PSD3: variants seen among roughly 807,000 people sequenced by gnomAD.
PSD3 encodes PH and SEC7 domain-containing protein 3.
Under a neutral mutation model 105.5 loss-of-function variants are expected in PSD3, and 49 were observed. The observed-to-expected ratio is 0.46, with a 90% CI of 0.37 to 0.59. The LOEUF (loss-of-function observed/expected upper bound fraction) is 0.59. Among genes scored for constraint, PSD3 ranks in the 20% least tolerant of loss-of-function variants. The pLI is 0.00. For missense variants in PSD3, 1,561 were observed against 1,263.8 expected, an observed-to-expected ratio of 1.24 and a Z score of -3.57; for synonymous variants, 557 against 457.8, an observed-to-expected ratio of 1.22 and a Z score of -2.77.
intron 1 of PSD3, chr8:19,084,073 G>C (rs59435769): frequency 0.34 from 118,350 of 345,852 alleles, 21,949 homozygotes; most frequent in East Asian, 0.7. Context: ...GCGGCTCGTG[G>C]GTACCTCTGC....
chr8:18,915,717 G>C (rs551370621), intron 2 of PSD3, among the ~76,000 whole-genome samples: 2 of 152,270 alleles, frequency 1.3e-5, no homozygotes, highest in East Asian at 1.9e-4. Context: ...ATATCAAAAA[G>C]ATAAAGTACC....
chr8:18,915,429 G>A (rs970143013), intron 2 of PSD3, among the ~76,000 whole-genome samples: 6 of 152,104 alleles, frequency 3.9e-5, no homozygotes, highest in East Asian at 3.9e-4. Flanking sequence ...GAGTAAATAC[G>A]TGGCAAATCA....
intron 4 of PSD3, among the ~76,000 whole-genome samples, chr8:18,822,380 C>T (rs1340814574): frequency 6.6e-6 from 1 of 152,178 alleles, no homozygotes; most frequent in Non-Finnish European, 1.5e-5. Flanking sequence ...TGTGTTGTTC[C>T]TTTAGTAGTA....
intron 9 of PSD3, among the ~76,000 whole-genome samples, chr8:18,693,785 T>C (rs1462854355): frequency 6.6e-6 from 1 of 152,208 alleles, no homozygotes; most frequent in Non-Finnish European, 1.5e-5. Context: ...CAAAATAGCC[T>C]CCTCCTCCAT....
At chr8:18,588,949 G>C (rs1325543974) in intron 12 of PSD3, among the ~76,000 whole-genome samples, 1 of 152,162 alleles carries the variant, frequency 6.6e-6, no homozygotes, top group East Asian at 1.9e-4. Context: ...CCGGTGGCTA[G>C]GTATTCAGAG....
At chr8:18,778,715 A>T (rs952172198) in intron 8 of PSD3, among the ~76,000 whole-genome samples, 1 of 151,866 alleles carries the variant, frequency 6.6e-6, no homozygotes, top group Non-Finnish European at 1.5e-5. Flanking sequence ...ATATATAATT[A>T]TATTAAAAAT....
chr8:18,590,144 T>G (rs1220201926), intron 12 of PSD3, among the ~76,000 whole-genome samples: 2 of 152,196 alleles, frequency 1.3e-5, no homozygotes, highest in African/African-American at 4.8e-5. Flanking sequence ...AGGCTAGTTT[T>G]AAAAAAGAAT....
intron 4 of PSD3, among the ~76,000 whole-genome samples, chr8:18,825,537 G>A (rs1167640273): frequency 1.3e-5 from 2 of 152,136 alleles, no homozygotes; most frequent in African/African-American, 2.4e-5. Context: ...AGTGTTGAGG[G>A]GAAGAGAATC....
chr8:19,055,581 G>A (rs1828684750), intron 1 of PSD3, among the ~76,000 whole-genome samples: 2 of 152,148 alleles, frequency 1.3e-5, no homozygotes, highest in Admixed American at 6.5e-5. Context: ...TCACTGGTCT[G>A]CATCATTAAT....
intron 8 of PSD3, among the ~76,000 whole-genome samples, chr8:18,767,036 T>C (rs1227105763): frequency 6.6e-6 from 1 of 152,078 alleles, no homozygotes; most frequent in East Asian, 1.9e-4. Context: ...ATAGAAATAA[T>C]CTTGAAAAGA....
chr8:18,992,571 C>T (rs1352135877), intron 1 of PSD3, among the ~76,000 whole-genome samples: 2 of 152,114 alleles, frequency 1.3e-5, no homozygotes, highest in Non-Finnish European at 2.9e-5. Flanking sequence ...TTAGGAAAAT[C>T]ACTGAACTCC....
intron 9 of PSD3, among the ~76,000 whole-genome samples, chr8:18,721,880 G>A (rs967690123): frequency 6.6e-6 from 1 of 152,046 alleles, no homozygotes; most frequent in South Asian, 2.1e-4. Flanking sequence ...AAAGGCCTAC[G>A]AGACACCCAA....
intron 1 of PSD3, among the ~76,000 whole-genome samples, chr8:19,021,284 C>T (rs1451314552): frequency 6.6e-6 from 1 of 152,150 alleles, no homozygotes; most frequent in East Asian, 1.9e-4. Flanking sequence ...CTGCTCTCTC[C>T]CTACCTCCTG....
At position 18,925,256 on chromosome 8, in the gene PSD3, A is replaced by T. The variant is rs540133936; in HGVS notation, c.130+10778T>A. ...TTAAAAATACAAAAGTCAGCCGGGC[A>T]TGGTGGCGTACACCTGTGGTTTCAG... On this transcript the variant is annotated intron_variant, in intron 2 of 15. Coordinates refer to ENST00000327040, the MANE Select transcript of PSD3 (RefSeq NM_015310.4). Among the ~76,000 whole-genome samples the T allele has an allele frequency of 9.3e-4, 142 of 152,208 alleles. 2 individuals are homozygous for T. Among genetic ancestry groups the T allele is most frequent in the African/African-American group, 3.3e-3 (137 of 41,534 alleles).
At chr8:18,919,436 C>T (rs780379169) in intron 2 of PSD3, among the ~76,000 whole-genome samples, 13 of 152,192 alleles carry the variant, frequency 8.5e-5, no homozygotes, top group African/African-American at 2.2e-4. Flanking sequence ...CTACCTGAAT[C>T]GGGATCATCC....
At chr8:18,647,647 T>C (rs1449111846) in intron 10 of PSD3, among the ~76,000 whole-genome samples, 4 of 138,668 alleles carry the variant, frequency 2.9e-5, no homozygotes, top group Admixed American at 1.5e-4. Context: ...AATGAGCCAA[T>C]ACATGATTTT....
At chr8:18,835,779 C>T (rs1221284599) in intron 4 of PSD3, among the ~76,000 whole-genome samples, 5 of 152,150 alleles carry the variant, frequency 3.3e-5, no homozygotes, top group East Asian at 1.9e-4. Context: ...GAAGCATGCC[C>T]GGCGTGCTCA....
chr8:18,760,981 T>A (rs759704139), intron 9 of PSD3, among the ~76,000 whole-genome samples: 1 of 152,320 alleles, frequency 6.6e-6, no homozygotes, highest in Middle Eastern at 3.4e-3. Flanking sequence ...CAGGATAATC[T>A]TGGGATCTTA....
In PSD3 at chr8:18,537,943, C is replaced by T. The variant is rs903756756; in HGVS notation, c.2929-1985G>A. On this transcript the variant is annotated intron_variant, in intron 15 of 15. Coordinates refer to ENST00000327040, the MANE Select transcript of PSD3 (RefSeq NM_015310.4). ...CCACCCGCCTCGGCCTCCCAAAGTG[C>T]TGGGATTACAGGCGTGAGCCACTGC... is the stretch of plus-strand genomic sequence containing the variant. Among the ~76,000 whole-genome samples the T allele has an allele frequency of 3.3e-5, 5 of 152,214 alleles. 1 individual carries two copies. In the South Asian group the frequency reaches 1.0e-3, roughly 32 times the overall value.
Sources: allele counts gnomAD v4.1 joint callset (sites outside exome capture counted in the v4.1 genomes callset), GRCh38; gene constraint gnomAD v4.1.1; transcripts MANE v1.5; gene names NCBI Gene and HGNC (gene_info 2026-07-23, HGNC 2026-07-21).